Variants in FSHR observed in about 807,000 individuals in gnomAD.
FSHR encodes the protein follicle stimulating hormone receptor, also known as follicle-stimulating hormone receptor.
Under a neutral mutation model 52.1 loss-of-function variants are expected in FSHR, and 46 were observed. The ratio of observed to expected loss-of-function variants is 0.88; its 90% CI spans 0.70 to 1.13. The LOEUF (loss-of-function observed/expected upper bound fraction) is 1.13, where lower values mean the gene tolerates loss of function less well. Ranked by LOEUF, FSHR falls within the 50% of genes most tolerant of loss-of-function variation. The probability of loss-of-function intolerance (pLI) is 0.00; values close to 1 mark genes in which losing one functional copy is unlikely to be tolerated. For missense variants in FSHR, 964 were observed against 834.6 expected (o/e 1.16, Z -1.91); for synonymous variants, 399 against 309.6 (o/e 1.29, Z -3.03).
At chr2:49,135,538 C>CA (rs1357039708) in intron 1 of FSHR, among the ~76,000 whole-genome samples, 1 of 152,054 alleles carries the variant, frequency 6.6e-6, no homozygotes, top group Non-Finnish European at 1.5e-5. Context: ...ACCCAACCTT[C>CA]ATCATAAGAT....
chr2:49,068,111 A>G, intron 2 of FSHR, 108 bp downstream of exon 2: 1 of 846,140 alleles, frequency 1.2e-6, no homozygotes, highest in Non-Finnish European at 2.0e-6. Context: ...AGTTTGGCTG[A>G]CCATGTCAGT....
At chr2:49,015,088 A>T in intron 4 of FSHR, 2 of 303,896 alleles carry the variant, frequency 6.6e-6, no homozygotes, top group Non-Finnish European at 1.3e-5. Context: ...TTTTTATTAA[A>T]GGCATAATCT....
At chr2:49,120,024 C>A (rs1218560151) in intron 1 of FSHR, among the ~76,000 whole-genome samples, 3 of 152,190 alleles carry the variant, frequency 2.0e-5, no homozygotes, top group African/African-American at 7.2e-5. Flanking sequence ...AATCCCAGCA[C>A]TTTGGGAGGC....
intron 1 of FSHR, among the ~76,000 whole-genome samples, chr2:49,146,528 T>A (rs1158637753): frequency 6.6e-6 from 1 of 151,392 alleles, no homozygotes; most frequent in Non-Finnish European, 1.5e-5. Context: ...TTGTGTGGGG[T>A]TTTTCCATGC....
At chr2:48,978,506 A>G (rs916643572) in intron 8 of FSHR, among the ~76,000 whole-genome samples, 1 of 152,294 alleles carries the variant, frequency 6.6e-6, no homozygotes, top group African/African-American at 2.4e-5. Flanking sequence ...AGCCAAATCA[A>G]TTTGATAAAC....
intron 4 of FSHR, among the ~76,000 whole-genome samples, chr2:49,012,667 G>GA (rs1375371356): frequency 1.3e-5 from 2 of 152,012 alleles, no homozygotes; most frequent in African/African-American, 4.8e-5. Flanking sequence ...CCTGGCTTAA[G>GA]AAAAAAACAA....
intron 2 of FSHR, among the ~76,000 whole-genome samples, chr2:49,044,561 C>G (rs1405541340): frequency 6.6e-6 from 1 of 152,162 alleles, no homozygotes; most frequent in East Asian, 1.9e-4. Context: ...TCATTCTGCT[C>G]TAGGTTTCCT....
At chr2:49,150,944 C>CT (rs896850615) in intron 1 of FSHR, among the ~76,000 whole-genome samples, 4 of 151,912 alleles carry the variant, frequency 2.6e-5, no homozygotes, top group Non-Finnish European at 4.4e-5. Context: ...CAAAATAATG[C>CT]TTTTTTGTGT....
intron 6 of FSHR, among the ~76,000 whole-genome samples, chr2:48,985,060 C>G (rs3788986): frequency 0.54 from 82,546 of 152,004 alleles, 24,042 homozygotes; most frequent in Non-Finnish European, 0.66. Flanking sequence ...ATTTATTACA[C>G]GCACCCCTGG....
intron 8 of FSHR, among the ~76,000 whole-genome samples, chr2:48,978,888 G>T (rs964327897): frequency 6.6e-6 from 1 of 152,172 alleles, no homozygotes; most frequent in Non-Finnish European, 1.5e-5. Context: ...TCATCAGTTT[G>T]AGTGTGTGCC....
chr2:49,086,321 A>G (rs796236104), intron 1 of FSHR, among the ~76,000 whole-genome samples: 1 of 152,160 alleles, frequency 6.6e-6, no homozygotes, highest in Non-Finnish European at 1.5e-5. Context: ...TCTCTTCAAG[A>G]CAGAAAAGAT....
intron 4 of FSHR, among the ~76,000 whole-genome samples, chr2:48,999,542 C>T (rs1676165233): frequency 6.6e-6 from 1 of 152,040 alleles, no homozygotes; most frequent in Non-Finnish European, 1.5e-5. Context: ...ATTACTATGT[C>T]CAAGTAACTG....
At chr2:49,057,214 C>T (rs1669095392) in intron 2 of FSHR, among the ~76,000 whole-genome samples, 1 of 151,786 alleles carries the variant, frequency 6.6e-6, no homozygotes, top group African/African-American at 2.4e-5. Context: ...CACAAGAGAT[C>T]AATGAAATAA....
chr2:49,113,860 A>T (rs1671510622), intron 1 of FSHR, among the ~76,000 whole-genome samples: 1 of 152,120 alleles, frequency 6.6e-6, no homozygotes, highest in African/African-American at 2.4e-5. Context: ...TGATTATAAG[A>T]AAAGCTCCTT....
chr2:48,990,700 C>A, intron 4 of FSHR, 63 bp from the exon 5 acceptor site: 6 of 968,072 alleles, frequency 6.2e-6, no homozygotes, highest in Non-Finnish European at 1.0e-5. Context: ...GTTGTTAGAG[C>A]ATGAACTTTC....
intron 2 of FSHR, among the ~76,000 whole-genome samples, chr2:49,047,944 T>C (rs973785003): frequency 6.6e-6 from 1 of 152,216 alleles, no homozygotes; most frequent in Non-Finnish European, 1.5e-5. Flanking sequence ...AATGGCACAA[T>C]CTCAGCTCAC....
chr2:49,045,282 G>T (rs893320094), intron 2 of FSHR, among the ~76,000 whole-genome samples: 1 of 152,116 alleles, frequency 6.6e-6, no homozygotes, highest in Admixed American at 6.5e-5. Flanking sequence ...AGGAGCATTG[G>T]CTTCACCTGA....
At chr2:49,095,078 T>G (rs1353578060) in intron 1 of FSHR, among the ~76,000 whole-genome samples, 1 of 152,160 alleles carries the variant, frequency 6.6e-6, no homozygotes, top group African/African-American at 2.4e-5. Context: ...TAATACAATT[T>G]CTATCAAAAC....
chr2:48,992,687 T>G (rs1263787794), intron 4 of FSHR, among the ~76,000 whole-genome samples: 1 of 152,128 alleles, frequency 6.6e-6, no homozygotes, highest in African/African-American at 2.4e-5. Flanking sequence ...TCCACCCTCT[T>G]GCTCTGTCTC....
Sources: allele counts gnomAD v4.1 joint callset (sites outside exome capture counted in the v4.1 genomes callset), GRCh38; gene constraint gnomAD v4.1.1; transcripts MANE v1.5; gene names NCBI Gene and HGNC (gene_info 2026-07-23, HGNC 2026-07-21).